The following DLG2 variants were observed in gnomAD, a reference collection of about 807,000 sequenced individuals.
The protein encoded by DLG2 is discs large MAGUK scaffold protein 2, also known as disks large homolog 2.
Under a neutral mutation model 132.5 loss-of-function variants are expected in DLG2, and 45 were observed. That is an observed-to-expected ratio of 0.34 (90% CI 0.27 to 0.44). The LOEUF (loss-of-function observed/expected upper bound fraction) is 0.44, where lower values mean the gene tolerates loss of function less well. Among genes scored for constraint, DLG2 ranks in the 20% least tolerant of loss-of-function variants. The probability of loss-of-function intolerance (pLI) is 1.00; values close to 1 mark genes in which losing one functional copy is unlikely to be tolerated. For synonymous variants in DLG2, 424 were observed against 419.6 expected (o/e 1.01, Z -0.13); for missense variants, 1,045 against 1,196.9 (o/e 0.87, Z 1.87).
At chr11:85,122,028 T>C (rs939039395) in intron 5 of DLG2, among the ~76,000 whole-genome samples, 2 of 152,194 alleles carry the variant, frequency 1.3e-5, no homozygotes, top group South Asian at 4.1e-4. Flanking sequence ...CATTCACTTA[T>C]TGAACAGTGA....
chr11:84,076,636 A>G (rs1022041818), intron 10 of DLG2, among the ~76,000 whole-genome samples: 1 of 152,320 alleles, frequency 6.6e-6, no homozygotes. Flanking sequence ...GTTGTCTGGC[A>G]AAACCCCAAC....
intron 8 of DLG2, among the ~76,000 whole-genome samples, chr11:84,197,370 C>G (rs1324205501): frequency 6.6e-6 from 1 of 152,098 alleles, no homozygotes; most frequent in African/African-American, 2.4e-5. Flanking sequence ...CATTCATGCA[C>G]AAAATGATGA....
chr11:83,543,500 T>G (rs1308303466), intron 19 of DLG2, among the ~76,000 whole-genome samples: 1 of 152,170 alleles, frequency 6.6e-6, no homozygotes, highest in Non-Finnish European at 1.5e-5. Context: ...ACTGGGTCCA[T>G]GTCCTGCTCC....
chr11:84,677,723 A>T (rs2099717244), intron 6 of DLG2, among the ~76,000 whole-genome samples: 1 of 151,918 alleles, frequency 6.6e-6, no homozygotes, highest in African/African-American at 2.4e-5. Context: ...GCAAAAAAAG[A>T]AATAATAATA....
At chr11:84,923,343 T>C in intron 6 of DLG2, 1 of 1,230,020 alleles carries the variant, frequency 8.1e-7, no homozygotes, top group East Asian at 3.4e-5. Context: ...TGCCCAGTAA[T>C]TTCAATTAGA....
At chr11:84,178,043 G>GA (rs142342911) in intron 8 of DLG2, among the ~76,000 whole-genome samples, 1,896 of 152,010 alleles carry the variant, frequency 0.012, 14 homozygotes, top group Non-Finnish European at 0.019. Context: ...ACAACTGTGA[G>GA]AGCCTGTGTT....
chr11:85,057,945 T>C (rs1566753712), intron 6 of DLG2, among the ~76,000 whole-genome samples: 2 of 151,530 alleles, frequency 1.3e-5, no homozygotes, highest in East Asian at 3.9e-4. Flanking sequence ...GGGAATGACT[T>C]TAAACTGAAA....
intron 4 of DLG2, among the ~76,000 whole-genome samples, chr11:85,262,979 T>G (rs117233365): frequency 6.6e-6 from 1 of 152,118 alleles, no homozygotes; most frequent in African/African-American, 2.4e-5. Flanking sequence ...GTCTGAGGAA[T>G]GGAAGGGCTT....
At position 83,833,785 on chromosome 11, in the gene DLG2, A is replaced by G. The variant is rs756011366; in HGVS notation, c.1566-15T>C. ...TGCGAGGCTCTCTGCAGAAAGAAATAGAGAACACAGCTCAGAGGGTGATCC... is the reference window on the plus strand; with the variant it reads ...TGCGAGGCTCTCTGCAGAAAGAAATGGAGAACACAGCTCAGAGGGTGATCC... On this transcript the variant is annotated splice_polypyrimidine_tract_variant and intron_variant, in intron 16 of 27. Coordinates refer to ENST00000376104, the MANE Select transcript of DLG2 (RefSeq NM_001142699.3). 32 of 1,612,668 alleles carry G rather than the reference A, an allele frequency of 2.0e-5. No homozygotes were observed. Among genetic ancestry groups the G allele is most frequent in the Non-Finnish European group, 2.1e-5 (25 of 1,179,264 alleles).
In DLG2 at chr11:84,661,560, TCAGTGAAAATTTATCATCA is replaced by T; in HGVS notation, c.358-126848_358-126830del. On this transcript the variant is annotated intron_variant, in intron 6 of 27. Transcript: ENST00000376104. Reference sequence around the variant, plus strand: ...TGTTAATTGCTATTATGTGTACTTTTCAGTGAAAATTTATCATCACTTAATAATTCACTATGGACCAAGA... The same window carrying T: ...TGTTAATTGCTATTATGTGTACTTTTCTTAATAATTCACTATGGACCAAGA... 2.0e-5 allele frequency among the ~76,000 whole-genome samples: 3 copies of T among 152,344 alleles called. No individual in the cohort carries two copies. The South Asian group carries it at 6.2e-4, about 32-fold the overall frequency.
intron 3 of DLG2, among the ~76,000 whole-genome samples, chr11:85,342,307 AT>A (rs574137021): frequency 6.7e-6 from 1 of 149,336 alleles, no homozygotes; most frequent in South Asian, 2.1e-4. Context: ...TTTTCTACCA[AT>A]TTTTTTTTTA....
chr11:83,701,654 G>A (rs1259104458), intron 18 of DLG2, among the ~76,000 whole-genome samples: 2 of 152,252 alleles, frequency 1.3e-5, no homozygotes, highest in Non-Finnish European at 2.9e-5. Flanking sequence ...AGTGGTTGAT[G>A]TGGAAGGAGT....
chr11:85,011,929 C>A (rs1180679736), intron 6 of DLG2, among the ~76,000 whole-genome samples: 1 of 152,100 alleles, frequency 6.6e-6, no homozygotes, highest in Non-Finnish European at 1.5e-5. Context: ...ATGCTTTTTA[C>A]TATTCTAGGT....
At chr11:83,606,569 C>T (rs17466033) in intron 19 of DLG2, among the ~76,000 whole-genome samples, 5 of 151,710 alleles carry the variant, frequency 3.3e-5, no homozygotes, top group Non-Finnish European at 5.9e-5. Flanking sequence ...AGGGTCTTCA[C>T]GGAGTTGACC....
At chr11:83,763,596 C>T (rs2094009098) in intron 18 of DLG2, among the ~76,000 whole-genome samples, 1 of 152,170 alleles carries the variant, frequency 6.6e-6, no homozygotes, top group Admixed American at 6.5e-5. Flanking sequence ...TGTGAATGAT[C>T]ACCATATTTC....
intron 6 of DLG2, among the ~76,000 whole-genome samples, chr11:84,726,873 A>T (rs879436587): frequency 6.6e-6 from 1 of 152,114 alleles, no homozygotes; most frequent in Non-Finnish European, 1.5e-5. Flanking sequence ...AGCATTTTTC[A>T]TATGTCTGTT....
At chr11:85,426,216 G>A (rs889875914) in intron 3 of DLG2, among the ~76,000 whole-genome samples, 2 of 152,182 alleles carry the variant, frequency 1.3e-5, no homozygotes, top group African/African-American at 4.8e-5. Context: ...TGGGGGCAGG[G>A]CACAGCCAAA....
intron 2 of DLG2, among the ~76,000 whole-genome samples, chr11:85,610,160 G>T (rs2080889351): frequency 6.6e-6 from 1 of 152,098 alleles, no homozygotes; most frequent in African/African-American, 2.4e-5. Context: ...CTTATCAAAG[G>T]TAACATCCCT....
chr11:83,562,605 ATTAGT>A (rs964310056), intron 19 of DLG2, among the ~76,000 whole-genome samples: 1 of 152,202 alleles, frequency 6.6e-6, no homozygotes, highest in Non-Finnish European at 1.5e-5. Flanking sequence ...GTTGGATTTT[ATTAGT>A]TTATTTTTAT....
Sources: allele counts gnomAD v4.1 joint callset (sites outside exome capture counted in the v4.1 genomes callset), GRCh38; gene constraint gnomAD v4.1.1; transcripts MANE v1.5; gene names NCBI Gene and HGNC (gene_info 2026-07-23, HGNC 2026-07-21).